The following SLC35F3 variants were observed in gnomAD, a reference collection of about 807,000 sequenced individuals.
SLC35F3 encodes solute carrier family 35 member F3.
Under a neutral mutation model 49.9 loss-of-function variants are expected in SLC35F3, and 25 were observed. The observed-to-expected ratio is 0.50, with a 90% CI of 0.37 to 0.70. The LOEUF (loss-of-function observed/expected upper bound fraction) is 0.70, where lower values mean the gene tolerates loss of function less well. SLC35F3 is among the 30% of genes least tolerant of loss of function. The probability of loss-of-function intolerance (pLI) is 0.00; values close to 1 mark genes in which losing one functional copy is unlikely to be tolerated. For missense variants in SLC35F3, 525 were observed against 639.8 expected, an observed-to-expected ratio of 0.82 and a Z score of 1.94; for synonymous variants, 275 against 265.4, an observed-to-expected ratio of 1.04 and a Z score of -0.35.
At chr1:234,009,139 G>A (rs950708745) in intron 2 of SLC35F3, among the ~76,000 whole-genome samples, 10 of 151,670 alleles carry the variant, frequency 6.6e-5, no homozygotes, top group South Asian at 2.1e-4. Context: ...CCTATCTATC[G>A]AAAAAAAGCA....
intron 2 of SLC35F3, among the ~76,000 whole-genome samples, chr1:234,155,740 T>C (rs1666141507): frequency 1.3e-5 from 2 of 150,228 alleles, no homozygotes; most frequent in Admixed American, 6.7e-5. Context: ...GGATGGATTA[T>C]TCAAAGATAG....
chr1:234,225,154 C>T (rs192168667), intron 2 of SLC35F3, among the ~76,000 whole-genome samples: 105 of 152,308 alleles, frequency 6.9e-4, no homozygotes, highest in Admixed American at 3.6e-3. Context: ...TGGCCTTACG[C>T]GTGTGAAAGC....
chr1:234,141,911 A>G (rs1665919209), intron 2 of SLC35F3, among the ~76,000 whole-genome samples: 1 of 152,164 alleles, frequency 6.6e-6, no homozygotes, highest in African/African-American at 2.4e-5. Context: ...ATCCACTGAG[A>G]GCACCCAAAG....
chr1:234,043,684 A>G (rs1664254134), intron 2 of SLC35F3, among the ~76,000 whole-genome samples: 1 of 152,220 alleles, frequency 6.6e-6, no homozygotes, highest in Non-Finnish European at 1.5e-5. Flanking sequence ...CTCCAGGACC[A>G]TTTGAGAATG....
chr1:233,985,512 G>A (rs1368154449), intron 2 of SLC35F3, among the ~76,000 whole-genome samples: 1 of 152,178 alleles, frequency 6.6e-6, no homozygotes, highest in Non-Finnish European at 1.5e-5. Flanking sequence ...TCATGTAAGT[G>A]TGCAGTAGTC....
In SLC35F3 at chr1:234,077,007, T is replaced by G. The variant is rs1208644597; in HGVS notation, c.284-154410T>G. ...AAGAGGTTTTTTTTTTGTTTTTTTT[T>G]TTTTTTTTGAGACGGAGTCTCGCTC... On this transcript the variant is annotated intron_variant, in intron 2 of 7. Transcript: ENST00000366618. Among the ~76,000 whole-genome samples the G allele has an allele frequency of 5.4e-5, 8 of 147,486 alleles. No homozygotes were observed. The East Asian group carries it at 8.0e-4, about 15-fold the overall frequency.
At chr1:234,118,712 A>G (rs575571157) in intron 2 of SLC35F3, among the ~76,000 whole-genome samples, 1 of 152,274 alleles carries the variant, frequency 6.6e-6, no homozygotes, top group Non-Finnish European at 1.5e-5. Context: ...CCTTTTTAAA[A>G]TGAGGAAACT....
intron 3 of SLC35F3, among the ~76,000 whole-genome samples, chr1:234,275,052 C>T (rs145231894): frequency 6.6e-6 from 1 of 152,306 alleles, no homozygotes; most frequent in African/African-American, 2.4e-5. Context: ...TGAAAGCCTC[C>T]CTCATCGGAA....
intron 2 of SLC35F3, among the ~76,000 whole-genome samples, chr1:234,212,212 C>G (rs977371556): frequency 6.6e-6 from 1 of 152,202 alleles, no homozygotes; most frequent in Non-Finnish European, 1.5e-5. Flanking sequence ...AGGGTGAAAA[C>G]AGACTAGTAC....
chr1:233,998,107 G>A (rs984300524), intron 2 of SLC35F3, among the ~76,000 whole-genome samples: 9 of 152,056 alleles, frequency 5.9e-5, no homozygotes, highest in African/African-American at 1.9e-4. Flanking sequence ...AGATGGATAT[G>A]TGTGTATTCA....
intron 2 of SLC35F3, among the ~76,000 whole-genome samples, chr1:234,144,299 C>A (rs1296061984): frequency 2.0e-5 from 3 of 152,166 alleles, no homozygotes; most frequent in Non-Finnish European, 2.9e-5. Flanking sequence ...AGGGTGTCCT[C>A]AGTTTCCAAG....
intron 2 of SLC35F3, among the ~76,000 whole-genome samples, chr1:233,965,892 A>G (rs1558191709): frequency 6.6e-6 from 1 of 152,240 alleles, no homozygotes; most frequent in Non-Finnish European, 1.5e-5. Context: ...TTATGAATCT[A>G]TTTAACCTGG....
At chr1:233,980,389 G>A (rs1663163713) in intron 2 of SLC35F3, among the ~76,000 whole-genome samples, 1 of 152,162 alleles carries the variant, frequency 6.6e-6, no homozygotes. Context: ...GAATGAATTA[G>A]TGCCCACCTG....
At position 233,928,452 on chromosome 1, in the gene SLC35F3, C is replaced by G. The variant is rs146694762; in HGVS notation, c.283+22694C>G. Among the ~76,000 whole-genome samples the G allele has an allele frequency of 1.2e-4, 19 of 152,234 alleles. 1 individual carries two copies. The highest frequency in any genetic ancestry group is 3.3e-4 in the Admixed American group (5 of 15,266). Reference sequence around the variant, plus strand: ...ATAGTAGAGTGATTAAGATGATGGACTTAATTAGTCATTGCTGAGTTTGAA... The same window carrying G: ...ATAGTAGAGTGATTAAGATGATGGAGTTAATTAGTCATTGCTGAGTTTGAA... On this transcript the variant is annotated intron_variant, in intron 2 of 7. Transcript: ENST00000366618.
chr1:234,227,476 A>G lies in SLC35F3; in HGVS notation c.284-3941A>G, dbSNP rs1298603118. ...TCCAGTGGCGCAATCTCGGCTTACT[A>G]CAAGCTCCGCCTCCCAGGTTCACGC... On this transcript the variant is annotated intron_variant, in intron 2 of 7. Transcript: ENST00000366618. Among the ~76,000 whole-genome samples the G allele has an allele frequency of 2.1e-5, 3 of 142,328 alleles. No homozygotes were observed. In the Admixed American group the frequency reaches 2.5e-4, roughly 12 times the overall value. The allele number at this position is 142,328 out of a possible 152,430, so 93.4% of individuals were successfully genotyped here. A position where few individuals can be genotyped will look rare whatever the true frequency, so the allele number is the denominator to read the frequency against.
intron 2 of SLC35F3, among the ~76,000 whole-genome samples, chr1:234,054,446 G>C (rs988355264): frequency 1.3e-5 from 2 of 152,124 alleles, no homozygotes; most frequent in Non-Finnish European, 2.9e-5. Flanking sequence ...ACTGAAGCTT[G>C]TGCATGCATC....
intron 2 of SLC35F3, among the ~76,000 whole-genome samples, chr1:234,025,781 A>G (rs1422872631): frequency 1.3e-5 from 2 of 152,060 alleles, no homozygotes; most frequent in Non-Finnish European, 2.9e-5. Flanking sequence ...TACTCTGTTG[A>G]TAGTTTCTTT....
chr1:234,016,315 G>GGC (rs1663801632), intron 2 of SLC35F3, among the ~76,000 whole-genome samples: 1 of 152,170 alleles, frequency 6.6e-6, no homozygotes, highest in East Asian at 1.9e-4. Context: ...TTTGAAACCA[G>GGC]TATGTTGAAG....
At chr1:234,133,093 A>G (rs7546164) in intron 2 of SLC35F3, among the ~76,000 whole-genome samples, 10,535 of 152,258 alleles carry the variant, frequency 0.069, 541 homozygotes, top group African/African-American at 0.15. Context: ...TTAATGCAGT[A>G]TGCCTGACTC....
Sources: allele counts gnomAD v4.1 joint callset (sites outside exome capture counted in the v4.1 genomes callset), GRCh38; gene constraint gnomAD v4.1.1; transcripts MANE v1.5; gene names NCBI Gene and HGNC (gene_info 2026-07-23, HGNC 2026-07-21).